The following STAG2 variants were observed in gnomAD, a reference collection of about 807,000 sequenced individuals.
The protein encoded by STAG2 is STAG2 cohesin complex component.
A neutral mutation model predicts 108.1 loss-of-function variants in STAG2; 14 were observed. The ratio of observed to expected loss-of-function variants is 0.13; its 90% CI spans 0.09 to 0.20. STAG2 has a LOEUF of 0.20. STAG2 is among the 10% of genes least tolerant of loss of function. The probability of loss-of-function intolerance (pLI) is 1.00; values close to 1 mark genes in which losing one functional copy is unlikely to be tolerated. For synonymous variants in STAG2, 307 were observed against 302.7 expected (o/e 1.01, Z -0.15); for missense variants, 440 against 940.9 (o/e 0.47, Z 6.96).
intron 25 of STAG2, among the ~76,000 whole-genome samples, chrX:124,072,904 C>CTTTTT (rs779996801): frequency 2.6e-3 from 191 of 72,560 alleles, no homozygotes; most frequent in Non-Finnish European, 3.8e-3. Flanking sequence ...TTCTTTCTTT[C>CTTTTT]TTTTTTTTTT....
At chrX:124,059,993 A>C (rs2058332053) in intron 15 of STAG2, among the ~76,000 whole-genome samples, 1 of 111,602 alleles carries the variant, frequency 9.0e-6, no homozygotes, top group Non-Finnish European at 1.9e-5. Flanking sequence ...CATTCCCTCT[A>C]TGTTCATAAA....
chrX:124,057,731 G>C (rs975889089), intron 14 of STAG2, 135 bp from the exon 15 acceptor site: 1 of 332,627 alleles, frequency 3.0e-6, no homozygotes, highest in Non-Finnish European at 5.2e-6. Flanking sequence ...TGCCATGTTG[G>C]ATGATATTGT....
At chrX:124,072,904 C>CTTTTTTTTTTTTTTT (rs779996801) in intron 25 of STAG2, among the ~76,000 whole-genome samples, 1 of 72,693 alleles carries the variant, frequency 1.4e-5, no homozygotes, top group African/African-American at 5.6e-5. Flanking sequence ...TTCTTTCTTT[C>CTTTTTTTTTTTTTTT]TTTTTTTTTT....
At chrX:123,997,115 G>T (rs763227722) in intron 1 of STAG2, among the ~76,000 whole-genome samples, 1 of 111,586 alleles carries the variant, frequency 9.0e-6, no homozygotes, top group Non-Finnish European at 1.9e-5. Flanking sequence ...ATCACCATTC[G>T]CACTGTCTTA....
intron 1 of STAG2, among the ~76,000 whole-genome samples, chrX:123,979,405 AG>A (rs1469693246): frequency 9.0e-6 from 1 of 111,681 alleles, no homozygotes; most frequent in Non-Finnish European, 1.9e-5. Flanking sequence ...CACCTAGAAC[AG>A]TGCTTGGAGT....
intron 3 of STAG2, among the ~76,000 whole-genome samples, chrX:124,023,417 C>T (rs969490251): frequency 9.0e-6 from 1 of 110,824 alleles, no homozygotes; most frequent in Non-Finnish European, 1.9e-5. Context: ...TACATAATGG[C>T]AGCCAGCATT....
At chrX:123,992,471 G>A (rs762246794) in intron 1 of STAG2, among the ~76,000 whole-genome samples, 1 of 109,466 alleles carries the variant, frequency 9.1e-6, no homozygotes, top group Non-Finnish European at 1.9e-5. Context: ...GTGCATTTGA[G>A]TCTAAGTTTA....
intron 13 of STAG2, among the ~76,000 whole-genome samples, chrX:124,051,691 C>T (rs1310125078): frequency 1.8e-5 from 2 of 109,871 alleles, no homozygotes; most frequent in African/African-American, 6.6e-5. Flanking sequence ...CCCAGGTTCA[C>T]GCCATTCTCC....
intron 8 of STAG2, among the ~76,000 whole-genome samples, chrX:124,046,300 C>G (rs2057875798): frequency 8.9e-6 from 1 of 111,931 alleles, no homozygotes; most frequent in Admixed American, 9.5e-5. Context: ...AGAGAAAATG[C>G]AGTTTCCCGT....
intron 25 of STAG2, among the ~76,000 whole-genome samples, chrX:124,073,920 C>A (rs780400451): frequency 8.9e-6 from 1 of 111,748 alleles, no homozygotes; most frequent in South Asian, 3.7e-4. Flanking sequence ...TCCCATTTTC[C>A]CTAGAGATAA....
chrX:124,006,246 G>A (rs1334536641), intron 1 of STAG2, among the ~76,000 whole-genome samples: 4 of 110,718 alleles, frequency 3.6e-5, no homozygotes, highest in Admixed American at 9.7e-5. Flanking sequence ...ATGTTTTTAC[G>A]TAGACATAGG....
intron 1 of STAG2, among the ~76,000 whole-genome samples, chrX:124,015,545 C>T (rs2056691361): frequency 9.2e-6 from 1 of 108,518 alleles, no homozygotes; most frequent in Non-Finnish European, 1.9e-5. Flanking sequence ...CCACCATGCC[C>T]AACTGATTTT....
At chrX:124,052,037 TTA>T (rs2058059886) in intron 13 of STAG2, among the ~76,000 whole-genome samples, 1 of 112,375 alleles carries the variant, frequency 8.9e-6, no homozygotes, top group Admixed American at 9.4e-5. Context: ...TGTTACACTT[TTA>T]GAGTATGAGC....
At chrX:123,974,296 A>G (rs1187350762) in intron 1 of STAG2, among the ~76,000 whole-genome samples, 1 of 105,155 alleles carries the variant, frequency 9.5e-6, no homozygotes, top group African/African-American at 3.5e-5. Context: ...GTAGTGGCAC[A>G]ATCTTGGCTT....
chrX:124,058,030 G>A (rs938454563), intron 15 of STAG2, 53 bp downstream of exon 15: 1 of 750,123 alleles, frequency 1.3e-6, no homozygotes, highest in African/African-American at 2.2e-5. Context: ...TTGGAAAAGG[G>A]GTTAAAATGA....
chrX:124,071,398 G>A (rs1346613089), intron 25 of STAG2, 75 bp downstream of exon 25: 7 of 797,615 alleles, frequency 8.8e-6, no homozygotes, highest in African/African-American at 2.2e-5. Flanking sequence ...GATGTACATC[G>A]GTGCACTAAA....
chrX:124,085,773 CAAAAAAAAA>C (rs35882500), intron 29 of STAG2, among the ~76,000 whole-genome samples: 1 of 42,160 alleles, frequency 2.4e-5, no homozygotes, highest in Non-Finnish European at 4.4e-5. Context: ...GACTGTGTCT[CAAAAAAAAA>C]AAAAAAAAAA....
chrX:124,084,874 T>C (rs1340177903), intron 29 of STAG2, among the ~76,000 whole-genome samples: 1 of 112,186 alleles, frequency 8.9e-6, no homozygotes, highest in Non-Finnish European at 1.9e-5. Flanking sequence ...TTATACATTG[T>C]TGGTGACAGT....
Position 124,049,076 on chromosome X carries a change from C to T in STAG2, c.891C>T (p.Tyr297=), listed in dbSNP as rs2057961698. 4 of 1,181,611 alleles carry T rather than the reference C, an allele frequency of 3.4e-6. No homozygotes were observed. Among genetic ancestry groups the T allele is most frequent in the African/African-American group, 3.5e-5 (2 of 56,656 alleles). ...TTAAAGGAGTGTTTGTACATAGATA[C>T]CGGTAAGTTGTGACAGTTTTTTTCA... is the stretch of plus-strand genomic sequence containing the variant. ...AIFKGVFVHR[Y]RDAIAEIRAI... The change falls in exon 10 of 35, where the codon TAC becomes TAT. Residue 297 remains tyrosine (Y), a splice_region_variant and synonymous_variant. Transcript: ENST00000371145.
Sources: allele counts gnomAD v4.1 joint callset (sites outside exome capture counted in the v4.1 genomes callset), GRCh38; gene constraint gnomAD v4.1.1; transcripts MANE v1.5; gene names NCBI Gene and HGNC (gene_info 2026-07-23, HGNC 2026-07-21).